Variants in FAM13A observed in about 807,000 individuals in gnomAD.
FAM13A encodes protein FAM13A.
FAM13A carries 76 observed loss-of-function variants against 129.6 expected under a neutral mutation model. The observed-to-expected ratio is 0.59, with a 90% confidence interval of 0.49 to 0.71. The LOEUF is 0.71. FAM13A is among the 30% of genes least tolerant of loss of function. The pLI, the probability that FAM13A is intolerant of heterozygous loss-of-function variation, is 0.00. For missense variants in FAM13A, 1,108 were observed against 1,249.3 expected (o/e 0.89, Z 1.70); for synonymous variants, 443 against 449.9 (o/e 0.98, Z 0.20).
intron 3 of FAM13A, among the ~76,000 whole-genome samples, chr4:89,001,531 G>A (rs1764243738): frequency 6.6e-6 from 1 of 152,156 alleles, no homozygotes; most frequent in South Asian, 2.1e-4. Context: ...TGTGTAAGTT[G>A]AGTAATTTCA....
At chr4:88,932,802 C>T (rs755653162) in intron 5 of FAM13A, among the ~76,000 whole-genome samples, 12 of 152,150 alleles carry the variant, frequency 7.9e-5, no homozygotes, top group Non-Finnish European at 1.6e-4. Flanking sequence ...GCACTTCCTT[C>T]GAACTAATCG....
intron 11 of FAM13A, among the ~76,000 whole-genome samples, chr4:88,773,198 G>A (rs1013100745): frequency 7.9e-5 from 12 of 152,070 alleles, no homozygotes; most frequent in African/African-American, 2.7e-4. Context: ...CCTCTCTATT[G>A]GCTTGTCTTA....
chr4:88,945,138 T>C (rs185241290), intron 4 of FAM13A, among the ~76,000 whole-genome samples: 121 of 152,348 alleles, frequency 7.9e-4, no homozygotes, highest in Admixed American at 1.8e-3. Context: ...ATTATACCTG[T>C]AATTAGATTG....
At chr4:88,885,696 G>T (rs1744289456) in intron 6 of FAM13A, among the ~76,000 whole-genome samples, 1 of 151,560 alleles carries the variant, frequency 6.6e-6, no homozygotes, top group South Asian at 2.1e-4. Flanking sequence ...CACAGCAAAA[G>T]AAACAATCAG....
At chr4:88,732,234 C>A in intron 21 of FAM13A, 36 bp from the exon 22 acceptor site, 1 of 1,508,156 alleles carries the variant, frequency 6.6e-7, no homozygotes, top group Non-Finnish European at 9.0e-7. Flanking sequence ...AAAATCTGGT[C>A]ACTTTTTGGG....
intron 4 of FAM13A, among the ~76,000 whole-genome samples, chr4:88,972,602 C>A (rs1215058358): frequency 6.6e-6 from 1 of 151,898 alleles, no homozygotes; most frequent in East Asian, 1.9e-4. Flanking sequence ...CACCCAGCCC[C>A]TCCTTCACTT....
intron 13 of FAM13A, among the ~76,000 whole-genome samples, chr4:88,761,036 T>C (rs915531895): frequency 6.6e-6 from 1 of 152,200 alleles, no homozygotes; most frequent in Non-Finnish European, 1.5e-5. Context: ...GCCCTCATGC[T>C]ATGGAAAGGA....
chr4:88,748,144 G>A (rs1244465982), intron 17 of FAM13A, among the ~76,000 whole-genome samples: 9 of 152,054 alleles, frequency 5.9e-5, no homozygotes, highest in East Asian at 1.9e-4. Context: ...CTCCTGCCTC[G>A]GCCTCCCAAA....
At chr4:89,002,690 A>ATCAAAACAGCT (rs1764423260) in intron 3 of FAM13A, among the ~76,000 whole-genome samples, 2 of 152,218 alleles carry the variant, frequency 1.3e-5, no homozygotes, top group South Asian at 4.1e-4. Context: ...TTATCCTCAG[A>ATCAAAACAGCT]TCAAAACAGC....
intron 4 of FAM13A, among the ~76,000 whole-genome samples, chr4:88,972,942 A>G (rs934651753): frequency 1.1e-4 from 17 of 152,126 alleles, no homozygotes; most frequent in African/African-American, 3.9e-4. Flanking sequence ...ATAGGGTACA[A>G]CGTTCTACTT....
chr4:88,974,695 CCAAAGAGGGGAAACTAGTTAAGAAGTTAT>C (rs1338202641), intron 4 of FAM13A, among the ~76,000 whole-genome samples: 2 of 151,542 alleles, frequency 1.3e-5, no homozygotes, highest in South Asian at 2.1e-4. Flanking sequence ...GTTGGTGAGA[CCAAAGAGGGGAAACTAGTTAAGAAGTTAT>C]CAAAGAGGGG....
chr4:88,889,901 T>C (rs1273558683), intron 6 of FAM13A, among the ~76,000 whole-genome samples: 4 of 152,154 alleles, frequency 2.6e-5, no homozygotes, highest in African/African-American at 9.7e-5. Flanking sequence ...GGGATGTTTG[T>C]TACAGCAGTT....
rs958298915 is a variant in FAM13A, at chr4:88,881,030, T to C, written c.843+25349A>G. On this transcript the variant is annotated intron_variant, in intron 6 of 23. Transcript: ENST00000264344. ...TAACCCTGCCCCCACCTGATGGTCTTTCTCCACCAGCCCTGGTAGCTGAAG... is the reference window on the plus strand; with the variant it reads ...TAACCCTGCCCCCACCTGATGGTCTCTCTCCACCAGCCCTGGTAGCTGAAG... Among the ~76,000 whole-genome samples the C allele has an allele frequency of 3.9e-5, 6 of 152,264 alleles. No individual in the cohort carries two copies. In the South Asian group the frequency reaches 1.2e-3, roughly 32 times the overall value.
chr4:88,970,790 G>A (rs771015418), intron 4 of FAM13A, among the ~76,000 whole-genome samples: 7 of 151,996 alleles, frequency 4.6e-5, no homozygotes, highest in African/African-American at 1.7e-4. Flanking sequence ...GGCTTAATAC[G>A]TTAGAAAATG....
intron 3 of FAM13A, among the ~76,000 whole-genome samples, chr4:89,019,116 T>C (rs1186986250): frequency 6.6e-6 from 1 of 152,098 alleles, no homozygotes; most frequent in Non-Finnish European, 1.5e-5. Flanking sequence ...CAAGTGGAGG[T>C]AGTTAGTGTC....
intron 5 of FAM13A, 28 bp from the exon 6 acceptor site, chr4:88,906,490 A>G (rs1246600699): frequency 6.7e-7 from 1 of 1,483,656 alleles, no homozygotes; most frequent in East Asian, 2.3e-5. Context: ...AGGAAACATT[A>G]GAGATTAAAG....
chr4:88,885,474 G>A (rs911357308), intron 6 of FAM13A, among the ~76,000 whole-genome samples: 7 of 152,164 alleles, frequency 4.6e-5, no homozygotes, highest in African/African-American at 1.7e-4. Flanking sequence ...AATGAAACCA[G>A]ATCCTCATCT....
intron 3 of FAM13A, among the ~76,000 whole-genome samples, chr4:89,010,948 A>G (rs572828222): frequency 6.6e-6 from 1 of 152,136 alleles, no homozygotes; most frequent in South Asian, 2.1e-4. Context: ...TCCTGGCTCA[A>G]GCGATTTTCC....
chr4:88,796,381 C>T (rs936652547), intron 8 of FAM13A, among the ~76,000 whole-genome samples: 11 of 151,870 alleles, frequency 7.2e-5, no homozygotes, highest in African/African-American at 2.7e-4. Context: ...TTAAAGATAG[C>T]TGAATAATTT....
Sources: allele counts gnomAD v4.1 joint callset (sites outside exome capture counted in the v4.1 genomes callset), GRCh38; gene constraint gnomAD v4.1.1; transcripts MANE v1.5; gene names NCBI Gene and HGNC (gene_info 2026-07-23, HGNC 2026-07-21).